Variants in GCAT observed in about 807,000 individuals in gnomAD.
GCAT encodes the protein 2-amino-3-ketobutyrate coenzyme A ligase, mitochondrial.
Under a neutral mutation model 39.7 loss-of-function variants are expected in GCAT, and 26 were observed. That is an observed-to-expected ratio of 0.65 (90% CI 0.48 to 0.91). GCAT has a LOEUF of 0.91. GCAT is among the 40% of genes least tolerant of loss of function. GCAT has a pLI of 0.00. For missense variants in GCAT, 550 were observed against 576.2 expected (o/e 0.95, Z 0.47); for synonymous variants, 218 against 237.2 (o/e 0.92, Z 0.74).
chr22:37,813,134 C>T, intron 3 of GCAT, 146 bp downstream of exon 3: 1 of 664,288 alleles, frequency 1.5e-6, no homozygotes. Flanking sequence ...AAGGTTGGGC[C>T]AGGTAGGTGC....
Position 37,815,647 on chromosome 22 carries a change from C to G in GCAT, c.815-16C>G. ...CCCTGACCAACCCCTCCCCCCACCT[C>G]TTCCCTTCTTCTCAGGGGGCTACAC... is the stretch of plus-strand genomic sequence containing the variant. On this transcript the variant is annotated splice_polypyrimidine_tract_variant and intron_variant, in intron 6 of 8. Coordinates refer to ENST00000248924, the MANE Select transcript of GCAT (RefSeq NM_014291.4). The G allele has an allele frequency of 6.3e-7, 1 of 1,594,974 alleles. No homozygotes were observed. The highest frequency in any genetic ancestry group is 8.6e-7 in the Non-Finnish European group (1 of 1,164,424).
At chr22:37,808,915 G>C (rs555419180) in intron 1 of GCAT, among the ~76,000 whole-genome samples, 3 of 152,320 alleles carry the variant, frequency 2.0e-5, no homozygotes, top group Admixed American at 1.3e-4. Flanking sequence ...TCGAACTCCT[G>C]ACCTCAAGTG....
chr22:37,812,152 A>C (rs1921667633), intron 2 of GCAT, among the ~76,000 whole-genome samples: 1 of 144,962 alleles, frequency 6.9e-6, no homozygotes, highest in South Asian at 2.3e-4. Context: ...GCAACATAGC[A>C]AGACCCTCTC....
chr22:37,808,077 G>C lies in GCAT; in HGVS notation c.110G>C (p.Gly37Ala). Reference sequence around the variant, plus strand: ...GGCATTCTGGAGGGGGAGCTGGAAGGCATCCGCGGAGCTGGCACTTGGAAG... The same window carrying C: ...GGCATTCTGGAGGGGGAGCTGGAAGCCATCCGCGGAGCTGGCACTTGGAAG... The part of the protein sequence containing the change: ...LRGILEGELE[G>A]IRGAGTWKSE... Residue 37 changes from glycine (G) to alanine (A), a missense_variant, in exon 1 of 9, where the codon GGC becomes GCC. This residue lies in a region of GCAT where 154 missense variants were observed against 141.9 expected (regional missense o/e 1.08). Transcript: ENST00000248924. The C allele has an allele frequency of 6.4e-7, 1 of 1,571,432 alleles. No homozygotes were observed. The highest frequency in any genetic ancestry group is 1.9e-5 in the Admixed American group (1 of 54,012).
At chr22:37,811,686 A>G (rs921630587) in intron 2 of GCAT, among the ~76,000 whole-genome samples, 3 of 151,650 alleles carry the variant, frequency 2.0e-5, no homozygotes, top group Non-Finnish European at 4.4e-5. Context: ...TAATCCAGGC[A>G]CTTTGGGAGG....
Position 37,816,785 on chromosome 22 carries a change from C to G in GCAT, c.*67C>G. 6.5e-7 allele frequency: 1 copy of G among 1,528,910 alleles called. No homozygotes were observed. Among genetic ancestry groups the G allele is most frequent in the Admixed American group, 1.7e-5 (1 of 58,570 alleles). The allele number at this position is 1,528,910 out of a possible 1,614,324, so 94.7% of individuals were successfully genotyped here. A position where few individuals can be genotyped will look rare whatever the true frequency, so the allele number is the denominator to read the frequency against. ...CACAGGGTCAAAGGAGGTTTTCGAT[C>G]AGCCCAGACCAGAGGCTCTGAGCCC... On this transcript the variant is annotated 3_prime_UTR_variant, in exon 9 of 9. Transcript: ENST00000248924.
At chr22:37,809,815 G>A (rs1921367885) in intron 1 of GCAT, 3 of 634,044 alleles carry the variant, frequency 4.7e-6, no homozygotes, top group South Asian at 1.9e-5. Flanking sequence ...GCTAGACCCT[G>A]TCTCAAAAAA....
intron 8 of GCAT, 110 bp from the exon 9 acceptor site, chr22:37,816,457 C>G: frequency 1.3e-6 from 2 of 1,529,644 alleles, no homozygotes; most frequent in South Asian, 2.4e-5. Context: ...CTTGAACACC[C>G]CAAGCCATGA....
At position 37,813,160 on chromosome 22, in the gene GCAT, G is replaced by C. The variant is rs568380595; in HGVS notation, c.429+172G>C. ...AGGTAGGTGCTCCAGGAGGAATCCT[G>C]GGGCTTGCAGGGAGCCTGAGTTCCA... On this transcript the variant is annotated intron_variant, in intron 3 of 8. Coordinates refer to ENST00000248924, the MANE Select transcript of GCAT (RefSeq NM_014291.4). The C allele has an allele frequency of 1.6e-5, 10 of 637,072 alleles. No homozygotes were observed. In the East Asian group the frequency reaches 2.7e-4, roughly 17 times the overall value. 39.5% of individuals were successfully genotyped at this position (637,072 alleles called of 1,614,324 possible).
In GCAT at chr22:37,813,494, C is replaced by T. The variant is rs765429002; in HGVS notation, c.461C>T (p.Ser154Leu). Residue 154 changes from serine (S) to leucine (L), a missense_variant, in exon 4 of 9, where the codon TCG (serine) becomes TTG (leucine). Physicochemically the swap from Ser to Leu is moderately radical, Grantham distance 145. This residue lies in a region of GCAT where 378 missense variants were observed against 390.4 expected (regional missense o/e 0.97). Coordinates refer to ENST00000248924, the MANE Select transcript of GCAT (RefSeq NM_014291.4). ...ALLTPEDAVL[S>L]DELNHASIID... ...CTGACCCCAGAGGACGCAGTCCTGT[C>T]GGACGAGCTGAACCATGCCTCCATC... The T allele has an allele frequency of 9.3e-6, 15 of 1,608,442 alleles. No homozygotes were observed. Among genetic ancestry groups the T allele is most frequent in the South Asian group, 7.8e-5 (7 of 90,002 alleles).
At chr22:37,810,213 CAG>C in intron 2 of GCAT, 56 bp downstream of exon 2, 2 of 1,325,866 alleles carry the variant, frequency 1.5e-6, no homozygotes, top group Admixed American at 3.4e-5. Context: ...CTGCTTCCCA[CAG>C]TCAGCAAGGC....
At chr22:37,813,020 G>A in intron 3 of GCAT, 32 bp downstream of exon 3, 1 of 1,458,926 alleles carries the variant, frequency 6.9e-7, no homozygotes, top group South Asian at 1.1e-5. Context: ...GGTGAGGGTT[G>A]GTGGGGCCTG....
In GCAT at chr22:37,816,817, A is replaced by G. The variant is rs540517728; in HGVS notation, c.*99A>G. 1.9e-5 allele frequency: 24 copies of G among 1,241,148 alleles called. No homozygotes were observed. The African/African-American group carries it at 2.7e-4, about 14-fold the overall frequency. 76.9% of individuals were successfully genotyped at this position (1,241,148 alleles called of 1,614,324 possible). On this transcript the variant is annotated 3_prime_UTR_variant, in exon 9 of 9. Transcript: ENST00000248924. Reference sequence around the variant, plus strand: ...GACCAGAGGCTCTGAGCCCTGAACCAAAGTCCCAGAGCTGGGCTGGGACGT... The same window carrying G: ...GACCAGAGGCTCTGAGCCCTGAACCGAAGTCCCAGAGCTGGGCTGGGACGT...
chr22:37,811,900 C>T (rs1167990883), intron 2 of GCAT, among the ~76,000 whole-genome samples: 1 of 142,018 alleles, frequency 7.0e-6, no homozygotes, highest in African/African-American at 2.6e-5. Flanking sequence ...AAGAACATTA[C>T]AAGTATTAAC....
At chr22:37,809,543 G>T (rs1033078159) in intron 1 of GCAT, among the ~76,000 whole-genome samples, 2 of 152,156 alleles carry the variant, frequency 1.3e-5, no homozygotes, top group African/African-American at 4.8e-5. Flanking sequence ...GTTTAGGCTG[G>T]GCACAGTGGC....
At chr22:37,813,172 G>A in intron 3 of GCAT, 184 bp downstream of exon 3, 1 of 636,020 alleles carries the variant, frequency 1.6e-6, no homozygotes, top group Non-Finnish European at 2.8e-6. Flanking sequence ...GGCTTGCAGG[G>A]AGCCTGAGTT....
chr22:37,809,716 G>C (rs1324193339), intron 1 of GCAT, among the ~76,000 whole-genome samples: 1 of 152,042 alleles, frequency 6.6e-6, no homozygotes, highest in Non-Finnish European at 1.5e-5. Context: ...AGCTACTCAG[G>C]AGGTTAAGTG....
rs1921163793 is a variant in GCAT, at chr22:37,808,115, A to T, written c.148A>T (p.Ile50Phe). The T allele has an allele frequency of 6.4e-7, 1 of 1,559,322 alleles. No homozygotes were observed. Reference sequence around the variant, plus strand: ...TGGCACTTGGAAGAGTGAGCGGGTCATCACGTCCCGTCAGGGGCCGCACAT... The same window carrying T: ...TGGCACTTGGAAGAGTGAGCGGGTCTTCACGTCCCGTCAGGGGCCGCACAT... Reference protein sequence around the residue: ...GAGTWKSERVITSRQGPHIRV... With the variant: ...GAGTWKSERVFTSRQGPHIRV... The change falls in exon 1 of 9, where the codon ATC becomes TTC. Residue 50 changes from isoleucine to phenylalanine, a missense_variant. By Grantham distance (21) the Ile-to-Phe change is conservative. This residue lies in a region of GCAT where 154 missense variants were observed against 141.9 expected (regional missense o/e 1.08). Transcript: ENST00000248924.
Position 37,808,092 on chromosome 22 carries a change from G to A in GCAT, c.125G>A (p.Gly42Asp), listed in dbSNP as rs377236461. 4 of 1,573,760 alleles carry A rather than the reference G, an allele frequency of 2.5e-6. No homozygotes were observed. Among genetic ancestry groups the A allele is most frequent in the African/African-American group, 2.7e-5 (2 of 72,874 alleles). Reference protein sequence around the residue: ...EGELEGIRGAGTWKSERVITS... With the variant: ...EGELEGIRGADTWKSERVITS... The stretch of plus-strand genomic sequence containing the variant: ...GAGCTGGAAGGCATCCGCGGAGCTG[G>A]CACTTGGAAGAGTGAGCGGGTCATC... The change falls in exon 1 of 9, where the codon GGC becomes GAC. Residue 42 changes from glycine to aspartate, a missense_variant. Gly to Asp is a moderately conservative substitution (Grantham distance 94). Coordinates refer to ENST00000248924, the MANE Select transcript of GCAT (RefSeq NM_014291.4).
Sources: gnomAD v4.1 joint callset for allele counts (sites outside exome capture counted in the v4.1 genomes callset) on GRCh38, gnomAD v4.1.1 for gene constraint, gnomAD v4.1.1 regional missense constraint, MANE v1.5 for transcripts, NCBI Gene and HGNC (gene_info 2026-07-23, HGNC 2026-07-21) for gene names.